Variants in THSD7A observed in about 807,000 individuals in gnomAD.
THSD7A encodes thrombospondin type 1 domain containing 7A.
In THSD7A, 96 loss-of-function variants were observed where a neutral mutation model predicts 231.3. The observed-to-expected ratio is 0.41, with a 90% CI of 0.35 to 0.49. The LOEUF (loss-of-function observed/expected upper bound fraction) is 0.49, where lower values mean the gene tolerates loss of function less well. Among genes scored for constraint, THSD7A ranks in the 20% least tolerant of loss-of-function variants. The pLI, the probability that THSD7A is intolerant of heterozygous loss-of-function variation, is 0.05. For missense variants in THSD7A, 2,290 were observed against 2,070.2 expected (o/e 1.11, Z -2.06); for synonymous variants, 940 against 743.3 (o/e 1.26, Z -4.30).
rs1180179286 is a variant in THSD7A, at chr7:11,831,016, C to T, written c.190+741G>A. Among the ~76,000 whole-genome samples the T allele has an allele frequency of 6.6e-6, 1 of 152,128 alleles. No homozygotes were observed. On this transcript the variant is annotated intron_variant, in intron 1 of 27. Transcript: ENST00000423059. This position sits in a 1 kb window ranked among gnomAD's most constrained non-coding sequence, Gnocchi z 5.0. ...AAAAGGGGTTGGTAATTCCTCACTC[C>T]GTATTGTTTTCCTGCCTGTCACGGC... is the stretch of plus-strand genomic sequence containing the variant.
rs1784885802 is a variant in THSD7A at position 11,821,898 on chromosome 7, T to G, written c.190+9859A>C. ...AAGGTTATGATTTCACATACTAAAC[T>G]GTAAAATAACAACTAGCTCAACAGC... is the stretch of plus-strand genomic sequence containing the variant. On this transcript the variant is annotated intron_variant, in intron 1 of 27. Transcript: ENST00000423059. 3.9e-5 allele frequency among the ~76,000 whole-genome samples: 6 copies of G among 152,202 alleles called. No homozygotes were observed. In the South Asian group the frequency reaches 1.2e-3, roughly 31 times the overall value.
chr7:11,442,869 G>A (rs374354222), intron 13 of THSD7A, among the ~76,000 whole-genome samples: 7 of 151,896 alleles, frequency 4.6e-5, no homozygotes, highest in South Asian at 2.1e-4. Context: ...AGATCCTTTC[G>A]GAATCCCCAC....
chr7:11,394,824 G>A (rs887705840), intron 23 of THSD7A, among the ~76,000 whole-genome samples: 2 of 152,048 alleles, frequency 1.3e-5, no homozygotes, highest in Non-Finnish European at 2.9e-5. Context: ...TTCATTCATC[G>A]GTCGGCCAGG....
intron 1 of THSD7A, among the ~76,000 whole-genome samples, chr7:11,830,295 A>G (rs1376123475): frequency 6.6e-6 from 1 of 152,204 alleles, no homozygotes; most frequent in Non-Finnish European, 1.5e-5. Context: ...ATAAATTTCA[A>G]CTAGGCAACT....
chr7:11,486,457 T>C (rs12537175), intron 6 of THSD7A, among the ~76,000 whole-genome samples: 19,118 of 152,202 alleles, frequency 0.13, 1,431 homozygotes, highest in Middle Eastern at 0.18. Context: ...GACATATTCA[T>C]CCACCAGATG....
At chr7:11,461,768 C>T (rs1785512651) in intron 10 of THSD7A, among the ~76,000 whole-genome samples, 1 of 152,160 alleles carries the variant, frequency 6.6e-6, no homozygotes, top group African/African-American at 2.4e-5. Context: ...GACATTTCCC[C>T]AAACTACTGG....
chr7:11,595,173 C>A (rs571059471), intron 2 of THSD7A, among the ~76,000 whole-genome samples: 3 of 152,124 alleles, frequency 2.0e-5, no homozygotes, highest in African/African-American at 4.8e-5. Context: ...CAGGAGCCAC[C>A]CCCAACACCC....
intron 2 of THSD7A, among the ~76,000 whole-genome samples, chr7:11,594,868 G>A (rs1024938982): frequency 4.6e-5 from 7 of 152,184 alleles, no homozygotes; most frequent in African/African-American, 1.7e-4. Flanking sequence ...CTCACCAGGT[G>A]TCTACTGTTA....
intron 2 of THSD7A, among the ~76,000 whole-genome samples, chr7:11,620,005 T>G (rs1297591577): frequency 1.3e-5 from 2 of 152,172 alleles, no homozygotes; most frequent in Non-Finnish European, 2.9e-5. Flanking sequence ...TCTAGTCTAC[T>G]TCTCTCAGAT....
At chr7:11,639,197 T>G (rs1781982906) in intron 1 of THSD7A, among the ~76,000 whole-genome samples, 2 of 152,326 alleles carry the variant, frequency 1.3e-5, no homozygotes, top group East Asian at 3.9e-4. Flanking sequence ...TTGAACTTCC[T>G]GATATATTAT....
At chr7:11,506,153 G>A (rs1311054770) in intron 6 of THSD7A, among the ~76,000 whole-genome samples, 2 of 151,656 alleles carry the variant, frequency 1.3e-5, no homozygotes, top group East Asian at 3.9e-4. Context: ...CACCACGCCT[G>A]GCTAATTTTT....
chr7:11,627,415 A>C (rs1584106275), intron 2 of THSD7A, among the ~76,000 whole-genome samples: 1 of 152,134 alleles, frequency 6.6e-6, no homozygotes, highest in Admixed American at 6.6e-5. Flanking sequence ...CAAAATGTAT[A>C]CATATAAATA....
intron 2 of THSD7A, among the ~76,000 whole-genome samples, chr7:11,626,132 G>A (rs922371379): frequency 6.6e-6 from 1 of 152,008 alleles, no homozygotes; most frequent in Admixed American, 6.6e-5. Context: ...TCCATCAAAG[G>A]TTTAAAATAC....
chr7:11,401,078 A>T (rs1205273833), intron 23 of THSD7A, among the ~76,000 whole-genome samples: 1 of 152,168 alleles, frequency 6.6e-6, no homozygotes, highest in African/African-American at 2.4e-5. Flanking sequence ...ATTAAAATCA[A>T]TTTTTACCAA....
At chr7:11,583,616 G>C (rs1791266811) in intron 4 of THSD7A, among the ~76,000 whole-genome samples, 1 of 152,048 alleles carries the variant, frequency 6.6e-6, no homozygotes, top group Non-Finnish European at 1.5e-5. Flanking sequence ...AATCTTGGGA[G>C]TCTAATCTTA....
At chr7:11,414,439 T>G (rs1783892458) in intron 17 of THSD7A, among the ~76,000 whole-genome samples, 1 of 152,220 alleles carries the variant, frequency 6.6e-6, no homozygotes, top group African/African-American at 2.4e-5. Context: ...TATGTATATT[T>G]GGCCACCCTG....
chr7:11,704,703 T>G (rs1251731433), intron 1 of THSD7A, among the ~76,000 whole-genome samples: 4 of 150,992 alleles, frequency 2.6e-5, no homozygotes, highest in African/African-American at 4.8e-5. Context: ...GAATTCCATG[T>G]GAATGTATAG....
At chr7:11,381,372 A>T (rs1782509124) in intron 24 of THSD7A, among the ~76,000 whole-genome samples, 2 of 152,190 alleles carry the variant, frequency 1.3e-5, no homozygotes, top group African/African-American at 4.8e-5. Context: ...CAAGAAAAAA[A>T]TTGACATCCT....
intron 4 of THSD7A, among the ~76,000 whole-genome samples, chr7:11,576,737 G>C (rs1366100626): frequency 6.6e-6 from 1 of 152,168 alleles, no homozygotes; most frequent in Non-Finnish European, 1.5e-5. Flanking sequence ...ATAGAATCAT[G>C]TCACAGAATG....
Sources: allele counts gnomAD v4.1 joint callset (sites outside exome capture counted in the v4.1 genomes callset), GRCh38; gene constraint gnomAD v4.1.1; non-coding constraint Gnocchi (gnomAD v3.1); transcripts MANE v1.5; gene names NCBI Gene and HGNC (gene_info 2026-07-23, HGNC 2026-07-21).